Variants in OPA1 observed in about 807,000 individuals in gnomAD.
The protein encoded by OPA1 is dynamin-like GTPase OPA1, mitochondrial.
A neutral mutation model predicts 152.9 loss-of-function variants in OPA1; 59 were observed. That is an observed-to-expected ratio of 0.39 (90% confidence interval 0.31 to 0.48). OPA1 has a LOEUF of 0.48. Among genes scored for constraint, OPA1 ranks in the 20% least tolerant of loss-of-function variants. The probability of loss-of-function intolerance (pLI) is 0.96; values close to 1 mark genes in which losing one functional copy is unlikely to be tolerated. For synonymous variants in OPA1, 400 were observed against 389.9 expected, an observed-to-expected ratio of 1.03 and a Z score of -0.31; for missense variants, 1,008 against 1,216.8, an observed-to-expected ratio of 0.83 and a Z score of 2.55.
At chr3:193,656,869 A>G (rs1411823668) in intron 22 of OPA1, among the ~76,000 whole-genome samples, 2 of 152,212 alleles carry the variant, frequency 1.3e-5, no homozygotes, top group Non-Finnish European at 1.5e-5. Flanking sequence ...CTAGGAAAAC[A>G]TACCAGGAAG....
chr3:193,648,497 T>C (rs907934706), intron 20 of OPA1: 2 of 387,584 alleles, frequency 5.2e-6, no homozygotes, highest in African/African-American at 4.1e-5. Context: ...AGCATTAATA[T>C]ATAGTTACTG....
intron 6 of OPA1, among the ~76,000 whole-genome samples, chr3:193,622,506 C>T (rs1317977487): frequency 3.3e-5 from 5 of 152,054 alleles, no homozygotes; most frequent in African/African-American, 7.2e-5. Context: ...GGATTACAGG[C>T]GTGAGCCACC....
chr3:193,611,553 C>T (rs561113940), intron 1 of OPA1, among the ~76,000 whole-genome samples: 5 of 139,254 alleles, frequency 3.6e-5, no homozygotes, highest in African/African-American at 8.1e-5. Flanking sequence ...GCCGAGATTG[C>T]GCCACTACAC....
In OPA1 at chr3:193,650,515, A is replaced by G. The variant is rs35219527; in HGVS notation, c.2012+1644A>G. 7.4e-3 allele frequency among the ~76,000 whole-genome samples: 1,121 copies of G among 152,312 alleles called. 10 individuals carry two copies. Among genetic ancestry groups the G allele is most frequent in the African/African-American group, 0.022 (907 of 41,562 alleles). ...GTTTTTATTGGTATCTTTTTGCTGA[A>G]TAATCCTATGTGATATTTTAGGACA... On this transcript the variant is annotated intron_variant, in intron 21 of 30. Transcript: ENST00000361510.
chr3:193,618,955 T>C lies in OPA1; in HGVS notation c.678+19T>C, dbSNP rs1577169334. On this transcript the variant is annotated intron_variant, in intron 6 of 30. Coordinates refer to ENST00000361510, the MANE Select transcript of OPA1 (RefSeq NM_130837.3). ...TAGAAAGGTAAGTGTAAAAGAGAAT[T>C]GTTCATGTAGGTAGTCTTGAAAGAT... 1 of 1,589,350 alleles carries C rather than the reference T, an allele frequency of 6.3e-7. No individual in the cohort carries two copies. Among genetic ancestry groups the C allele is most frequent in the East Asian group, 2.2e-5 (1 of 44,744 alleles).
intron 7 of OPA1, among the ~76,000 whole-genome samples, chr3:193,631,388 C>T (rs1397314048): frequency 6.6e-6 from 1 of 152,076 alleles, no homozygotes; most frequent in Non-Finnish European, 1.5e-5. Context: ...AAATGATTGC[C>T]TTTTAAGGTT....
At chr3:193,688,986 A>C (rs1481881999) in intron 29 of OPA1, 1 of 152,190 alleles carries the variant, frequency 6.6e-6, no homozygotes, top group Non-Finnish European at 1.5e-5. Flanking sequence ...TGCGTCAGAC[A>C]AACAAACATC....
At chr3:193,664,750 GT>G in intron 26 of OPA1, 129 bp from the exon 27 acceptor site, 1 of 646,278 alleles carries the variant, frequency 1.5e-6, no homozygotes, top group East Asian at 2.7e-5. Flanking sequence ...GAATAACTAT[GT>G]AAAGAATAAC....
chr3:193,660,837 C>T (rs886896196), intron 25 of OPA1, among the ~76,000 whole-genome samples: 6 of 151,958 alleles, frequency 3.9e-5, no homozygotes, highest in Non-Finnish European at 7.4e-5. Context: ...ACAGATGGGC[C>T]GAGAGAAGGA....
At chr3:193,626,692 C>A (rs1731209382) in intron 7 of OPA1, among the ~76,000 whole-genome samples, 1 of 152,140 alleles carries the variant, frequency 6.6e-6, no homozygotes, top group African/African-American at 2.4e-5. Flanking sequence ...GACTTTTGGG[C>A]AAAAGCATGT....
At chr3:193,602,281 G>A (rs1726583283) in intron 1 of OPA1, among the ~76,000 whole-genome samples, 2 of 152,142 alleles carry the variant, frequency 1.3e-5, no homozygotes, top group Non-Finnish European at 2.9e-5. Flanking sequence ...AAGCTTCTCT[G>A]CACTGTGGGT....
chr3:193,631,788 A>AT (rs948189754), intron 8 of OPA1, 123 bp downstream of exon 8: 5 of 774,210 alleles, frequency 6.5e-6, no homozygotes, highest in Middle Eastern at 5.0e-4. Flanking sequence ...ATAGAACCTT[A>AT]TTATTATCGA....
At chr3:193,650,251 C>A (rs1289649457) in intron 21 of OPA1, among the ~76,000 whole-genome samples, 2 of 152,136 alleles carry the variant, frequency 1.3e-5, no homozygotes, top group Non-Finnish European at 2.9e-5. Flanking sequence ...ATTGAAAAGG[C>A]AACGGTCAGA....
chr3:193,625,994 A>G (rs533198422), intron 6 of OPA1, 98 bp from the exon 7 acceptor site: 260 of 898,020 alleles, frequency 2.9e-4, no homozygotes, highest in Non-Finnish European at 4.6e-4. Context: ...TAAGTTAACC[A>G]TCCCTCCCTA....
At chr3:193,675,751 C>G (rs1718861886) in intron 29 of OPA1, among the ~76,000 whole-genome samples, 1 of 152,218 alleles carries the variant, frequency 6.6e-6, no homozygotes, top group African/African-American at 2.4e-5. Flanking sequence ...CACGGTCGAT[C>G]CCTTCTGCCA....
intron 1 of OPA1, chr3:193,603,449 T>A (rs773459951): frequency 2.0e-5 from 3 of 152,238 alleles, no homozygotes; most frequent in Non-Finnish European, 2.9e-5. Flanking sequence ...TGGGTTCATT[T>A]CTACAAGTAT....
intron 6 of OPA1, 137 bp downstream of exon 6, chr3:193,619,073 C>A: frequency 1.4e-6 from 1 of 729,228 alleles, no homozygotes; most frequent in South Asian, 1.5e-5. Flanking sequence ...CGTTACTAAT[C>A]TTAGTGCAAA....
intron 29 of OPA1, among the ~76,000 whole-genome samples, chr3:193,690,435 A>G (rs1182916557): frequency 6.6e-6 from 1 of 151,926 alleles, no homozygotes; most frequent in Non-Finnish European, 1.5e-5. Context: ...CTGAGGCAGC[A>G]GGATCAATTG....
In OPA1 at chr3:193,658,923, A is replaced by G. The variant is rs1223646365; in HGVS notation, c.2368A>G (p.Ile790Val). Residue 790 changes from isoleucine (I) to valine (V), a missense_variant, in exon 24 of 31, where the codon ATA becomes GTA. Ile to Val is a conservative substitution (Grantham distance 29, BLOSUM62 3). Around this residue, in one of 7 missense-constraint regions of OPA1, gnomAD observed 229 missense variants for 269.0 expected, o/e 0.85. Transcript: ENST00000361510. ...ACACAATGCTTTGGAAGACCGATCC[A>G]TATCTGATAAACAGCAATGGGATGC... ...IQHNALEDRSISDKQQWDAAI... is the reference protein window; with the variant it reads ...IQHNALEDRSVSDKQQWDAAI... 6.2e-7 allele frequency: 1 copy of G among 1,613,868 alleles called. No individual in the cohort carries two copies. Among genetic ancestry groups the G allele is most frequent in the Non-Finnish European group, 8.5e-7 (1 of 1,179,872 alleles).
Sources: gnomAD v4.1 joint callset for allele counts (sites outside exome capture counted in the v4.1 genomes callset) on GRCh38, gnomAD v4.1.1 for gene constraint, gnomAD v4.1.1 regional missense constraint, MANE v1.5 for transcripts, NCBI Gene and HGNC (gene_info 2026-07-23, HGNC 2026-07-21) for gene names.